MACROD2: variants seen among roughly 807,000 people sequenced by gnomAD.
MACROD2 encodes the protein mono-ADP ribosylhydrolase 2.
In MACROD2, 36 loss-of-function variants were observed where a neutral mutation model predicts 70.4. The ratio of observed to expected loss-of-function variants is 0.51; its 90% CI spans 0.39 to 0.68. The LOEUF is 0.68. MACROD2 is among the 30% of genes least tolerant of loss of function. MACROD2 has a pLI of 0.00. For synonymous variants in MACROD2, 172 were observed against 178.8 expected (o/e 0.96, Z 0.30); for missense variants, 496 against 538.4 (o/e 0.92, Z 0.78).
In MACROD2 at chr20:14,957,998, A is replaced by C. The variant is rs182976000; in HGVS notation, c.419-271942A>C. On this transcript the variant is annotated intron_variant, in intron 5 of 17. Transcript: ENST00000684519. ...GCAAAAATAATTGCGGTTTTTGCCA[A>C]CCTAATAATATCCACTCTTGTCTAG... Among the ~76,000 whole-genome samples, 59 of 152,246 alleles carry C rather than the reference A, an allele frequency of 3.9e-4. No individual in the cohort carries two copies. The East Asian group carries it at 9.1e-3, about 23-fold the overall frequency.
intron 5 of MACROD2, among the ~76,000 whole-genome samples, chr20:14,772,390 T>A (rs2072180602): frequency 6.6e-6 from 1 of 152,082 alleles, no homozygotes; most frequent in Non-Finnish European, 1.5e-5. Flanking sequence ...GAGGTTTAAC[T>A]GGACTTACAG....
chr20:15,653,726 A>C (rs2049682028), intron 8 of MACROD2, among the ~76,000 whole-genome samples: 1 of 152,114 alleles, frequency 6.6e-6, no homozygotes, highest in Non-Finnish European at 1.5e-5. Context: ...AACACTTACC[A>C]GTGCACTGGG....
rs1984069844 is a variant in MACROD2, at chr20:14,625,212, A to G, written c.302-59631A>G. ...CATGGTGGCAGGCGCCTGTAATCCC[A>G]GCTACTCGAGAGGCTCAGGCAGGAG... On this transcript the variant is annotated intron_variant, in intron 4 of 17. Coordinates refer to ENST00000684519, the MANE Select transcript of MACROD2 (RefSeq NM_001351661.2). Among the ~76,000 whole-genome samples the G allele has an allele frequency of 2.0e-5, 3 of 152,232 alleles. No individual in the cohort carries two copies. The South Asian group carries it at 6.2e-4, about 32-fold the overall frequency.
chr20:15,957,454 G>A (rs930555621), intron 12 of MACROD2, among the ~76,000 whole-genome samples: 1 of 152,036 alleles, frequency 6.6e-6, no homozygotes, highest in Non-Finnish European at 1.5e-5. Flanking sequence ...CACTTCATAC[G>A]TCTCTAGGTT....
At chr20:14,070,795 T>G (rs571653641) in intron 2 of MACROD2, among the ~76,000 whole-genome samples, 18 of 152,262 alleles carry the variant, frequency 1.2e-4, no homozygotes, top group Admixed American at 1.1e-3. Context: ...TACAGGGATT[T>G]CAATATGGGG....
At chr20:15,391,293 A>T (rs1022299753) in intron 6 of MACROD2, among the ~76,000 whole-genome samples, 2 of 152,230 alleles carry the variant, frequency 1.3e-5, no homozygotes, top group Non-Finnish European at 2.9e-5. Flanking sequence ...GCTGCCTTTT[A>T]AAAAGCAAAA....
chr20:15,916,988 A>G (rs1311041427), intron 10 of MACROD2, among the ~76,000 whole-genome samples: 2 of 152,166 alleles, frequency 1.3e-5, no homozygotes, highest in African/African-American at 4.8e-5. Flanking sequence ...TATTTTCTTC[A>G]TTTTTATTAC....
chr20:15,328,898 G>A (rs2077961654), intron 6 of MACROD2, among the ~76,000 whole-genome samples: 2 of 152,002 alleles, frequency 1.3e-5, no homozygotes, highest in Non-Finnish European at 2.9e-5. Flanking sequence ...ATAATAGTGT[G>A]CGTATATATG....
chr20:14,944,890 C>A (rs1014082493), intron 5 of MACROD2, among the ~76,000 whole-genome samples: 3 of 152,132 alleles, frequency 2.0e-5, no homozygotes, highest in Non-Finnish European at 4.4e-5. Context: ...TCCACCATGA[C>A]TTTTCTGTCC....
At chr20:14,533,596 A>G (rs1600351459) in intron 4 of MACROD2, among the ~76,000 whole-genome samples, 2 of 152,238 alleles carry the variant, frequency 1.3e-5, no homozygotes, top group South Asian at 4.1e-4. Flanking sequence ...TGATTTCTAA[A>G]CATCTGGTCA....
chr20:15,275,427 C>T (rs891322133), intron 6 of MACROD2, among the ~76,000 whole-genome samples: 1 of 152,064 alleles, frequency 6.6e-6, no homozygotes, highest in Non-Finnish European at 1.5e-5. Context: ...TGAGAAGAGC[C>T]CTCTGGCTGA....
chr20:14,656,083 T>G (rs915863161), intron 4 of MACROD2, among the ~76,000 whole-genome samples: 11 of 152,200 alleles, frequency 7.2e-5, no homozygotes, highest in African/African-American at 2.7e-4. Flanking sequence ...CATAGCTAAG[T>G]AAGAGCAAAG....
intron 3 of MACROD2, among the ~76,000 whole-genome samples, chr20:14,188,115 A>G (rs1488095105): frequency 6.6e-6 from 1 of 152,194 alleles, no homozygotes. Context: ...TTTAACCTAC[A>G]GGTTAGAGTT....
chr20:14,039,563 C>T (rs574784722), intron 2 of MACROD2, among the ~76,000 whole-genome samples: 5 of 152,200 alleles, frequency 3.3e-5, no homozygotes, highest in African/African-American at 1.2e-4. Context: ...CTTGCTTCTT[C>T]AGTTTACAAA....
At chr20:14,723,272 G>A (rs1384850160) in intron 5 of MACROD2, among the ~76,000 whole-genome samples, 2 of 152,082 alleles carry the variant, frequency 1.3e-5, no homozygotes, top group South Asian at 2.1e-4. Context: ...GCATGATTCA[G>A]ATTGTTTATT....
At position 15,020,750 on chromosome 20, in the gene MACROD2, G is replaced by A. The variant is rs184784854; in HGVS notation, c.419-209190G>A. Among the ~76,000 whole-genome samples, 65 of 151,946 alleles carry A rather than the reference G, an allele frequency of 4.3e-4. 1 individual carries two copies. Among genetic ancestry groups the A allele is most frequent in the Non-Finnish European group, 6.5e-4 (44 of 67,948 alleles). The stretch of plus-strand genomic sequence containing the variant: ...TAGGCACATACAACACAATGTTAAC[G>A]ATTTGTGTATCTAAACATGTGTAAA... On this transcript the variant is annotated intron_variant, in intron 5 of 17. Coordinates refer to ENST00000684519, the MANE Select transcript of MACROD2 (RefSeq NM_001351661.2).
chr20:15,829,989 T>C (rs1315795887), intron 8 of MACROD2, among the ~76,000 whole-genome samples: 3 of 152,150 alleles, frequency 2.0e-5, no homozygotes, highest in Admixed American at 6.5e-5. Context: ...GGCAAAATGA[T>C]GGCATGTTCC....
chr20:14,605,570 A>C (rs528964392), intron 4 of MACROD2, among the ~76,000 whole-genome samples: 6 of 152,290 alleles, frequency 3.9e-5, no homozygotes, highest in Admixed American at 3.9e-4. Context: ...CCACACTATA[A>C]GTTAGGTTTT....
chr20:14,191,665 T>C (rs1188935590), intron 3 of MACROD2, among the ~76,000 whole-genome samples: 1 of 152,216 alleles, frequency 6.6e-6, no homozygotes, highest in Non-Finnish European at 1.5e-5. Context: ...CCTGAGAAGA[T>C]GGCACTTGAG....
Sources: gnomAD v4.1 joint callset for allele counts (sites outside exome capture counted in the v4.1 genomes callset) on GRCh38, gnomAD v4.1.1 for gene constraint, MANE v1.5 for transcripts, NCBI Gene and HGNC (gene_info 2026-07-23, HGNC 2026-07-21) for gene names.